Variants in SNX29 observed in about 807,000 individuals in gnomAD.
The protein encoded by SNX29 is sorting nexin 29.
Under a neutral mutation model 102.1 loss-of-function variants are expected in SNX29, and 78 were observed. That is an observed-to-expected ratio of 0.76 (90% CI 0.64 to 0.92). SNX29 has a LOEUF of 0.92. SNX29 is among the 40% of genes least tolerant of loss of function. SNX29 has a pLI of 0.00. For synonymous variants in SNX29, 580 were observed against 414.5 expected (o/e 1.40, Z -4.85); for missense variants, 1,280 against 1,061.7 (o/e 1.21, Z -2.86).
chr16:11,980,683 T>G (rs756912086), intron 1 of SNX29, among the ~76,000 whole-genome samples: 2 of 152,192 alleles, frequency 1.3e-5, no homozygotes, highest in Non-Finnish European at 2.9e-5. Context: ...TTTTTAATCA[T>G]AGACATTCTA....
At chr16:12,556,233 T>TA (rs2078339144) in intron 20 of SNX29, 1 of 152,166 alleles carries the variant, frequency 6.6e-6, no homozygotes, top group African/African-American at 2.4e-5. Context: ...GAGGTTGGTT[T>TA]CATGGCGTCA....
chr16:12,532,618 C>G (rs1460100654), intron 20 of SNX29, among the ~76,000 whole-genome samples: 1 of 152,136 alleles, frequency 6.6e-6, no homozygotes, highest in East Asian at 1.9e-4. Flanking sequence ...TGGAAACACT[C>G]TTTGGGATGC....
At position 12,231,329 on chromosome 16, in the gene SNX29, C is replaced by T. The variant is rs576698686; in HGVS notation, c.1678+31646C>T. ...ACTTCGTTTAAAGTATTTTCCCTCTCTGTAGACACTTTCTTAAAAACATAA... is the reference window on the plus strand; with the variant it reads ...ACTTCGTTTAAAGTATTTTCCCTCTTTGTAGACACTTTCTTAAAAACATAA... On this transcript the variant is annotated intron_variant, in intron 14 of 20. Transcript: ENST00000566228. 3.9e-5 allele frequency among the ~76,000 whole-genome samples: 6 copies of T among 152,302 alleles called. No homozygotes were observed. The South Asian group carries it at 1.2e-3, about 32-fold the overall frequency.
intron 20 of SNX29, chr16:12,556,341 G>C (rs2561041): frequency 0.2 from 29,762 of 152,128 alleles, 3,104 homozygotes; most frequent in East Asian, 0.43. Context: ...AGACCACTTG[G>C]ACTTCACTCA....
At chr16:12,427,021 A>G (rs914557718) in intron 18 of SNX29, among the ~76,000 whole-genome samples, 2 of 152,232 alleles carry the variant, frequency 1.3e-5, no homozygotes, top group African/African-American at 4.8e-5. Context: ...ATATGCCAGA[A>G]TGGGGGAGGG....
intron 13 of SNX29, among the ~76,000 whole-genome samples, chr16:12,171,676 A>T (rs1360281002): frequency 6.6e-6 from 1 of 152,256 alleles, no homozygotes; most frequent in African/African-American, 2.4e-5. Flanking sequence ...ATTTCAGGAC[A>T]GGGAACTGAA....
chr16:12,563,334 G>C (rs936999097), intron 20 of SNX29, among the ~76,000 whole-genome samples: 5 of 152,222 alleles, frequency 3.3e-5, no homozygotes, highest in Non-Finnish European at 4.4e-5. Flanking sequence ...CACCGTCGAG[G>C]AGTGGCCATT....
At chr16:12,547,016 C>A (rs370717297) in intron 20 of SNX29, among the ~76,000 whole-genome samples, 1 of 151,564 alleles carries the variant, frequency 6.6e-6, no homozygotes, top group African/African-American at 2.4e-5. Context: ...CCTGATAGTT[C>A]AACAGCAGAT....
intron 20 of SNX29, among the ~76,000 whole-genome samples, chr16:12,532,281 G>C (rs760014506): frequency 1.6e-4 from 24 of 152,208 alleles, no homozygotes; most frequent in Non-Finnish European, 3.1e-4. Context: ...AGCACAATAA[G>C]TCCTTAAATT....
chr16:12,024,158 G>T (rs1172183386), intron 3 of SNX29, among the ~76,000 whole-genome samples: 1 of 149,816 alleles, frequency 6.7e-6, no homozygotes, highest in African/African-American at 2.5e-5. Flanking sequence ...TTTCTTTTGA[G>T]ACTGAGTTTC....
chr16:12,461,715 G>C (rs907875820), intron 18 of SNX29, among the ~76,000 whole-genome samples: 1 of 151,662 alleles, frequency 6.6e-6, no homozygotes, highest in Non-Finnish European at 1.5e-5. Context: ...CCAGCACTTT[G>C]GGAGGCTAAG....
Position 12,570,039 on chromosome 16 carries a change from C to G in SNX29, c.*1410C>G. ...TGCCCAGGTGAGCATGGAGCATCTCCTAGGCTCGAGGACATCTCTGGAGAA... is the reference window on the plus strand; with the variant it reads ...TGCCCAGGTGAGCATGGAGCATCTCGTAGGCTCGAGGACATCTCTGGAGAA... On this transcript the variant is annotated 3_prime_UTR_variant, in exon 21 of 21. Transcript: ENST00000566228. The G allele has an allele frequency of 2.2e-6, 1 of 455,620 alleles. No homozygotes were observed. Among genetic ancestry groups the G allele is most frequent in the Non-Finnish European group, 3.1e-6 (1 of 322,022 alleles). 28.2% of individuals were successfully genotyped at this position (455,620 alleles called of 1,614,324 possible).
Position 12,572,481 on chromosome 16 carries a change from C to T in SNX29, c.*3852C>T, listed in dbSNP as rs1351567449. On this transcript the variant is annotated 3_prime_UTR_variant, in exon 21 of 21. Transcript: ENST00000566228. ...ATTTTGCCAACCCTGAGGACCAGTT[C>T]TTGGGGTTCCAGGCCTCGGCCTTCC... 5 of 1,063,758 alleles carry T rather than the reference C, an allele frequency of 4.7e-6. No homozygotes were observed. The South Asian group carries it at 1.4e-4, about 29-fold the overall frequency. The allele number at this position is 1,063,758 out of a possible 1,614,324, so 65.9% of individuals were successfully genotyped here.
intron 3 of SNX29, among the ~76,000 whole-genome samples, chr16:12,004,998 A>C (rs1242054747): frequency 6.6e-6 from 1 of 152,216 alleles, no homozygotes; most frequent in Non-Finnish European, 1.5e-5. Context: ...CTCAGTAAAA[A>C]TTTGTTATCC....
At chr16:12,125,094 G>C (rs1280923826) in intron 11 of SNX29, among the ~76,000 whole-genome samples, 1 of 152,136 alleles carries the variant, frequency 6.6e-6, no homozygotes, top group African/African-American at 2.4e-5. Context: ...CGTACTTGGC[G>C]AAGTATAATA....
At chr16:12,095,874 CT>C (rs1203726242) in intron 11 of SNX29, among the ~76,000 whole-genome samples, 6 of 152,196 alleles carry the variant, frequency 3.9e-5, no homozygotes, top group Non-Finnish European at 7.4e-5. Flanking sequence ...TGAGGGGGTC[CT>C]TTTTTTTCCT....
intron 15 of SNX29, among the ~76,000 whole-genome samples, chr16:12,326,208 C>T (rs1208599486): frequency 1.3e-5 from 2 of 151,848 alleles, no homozygotes; most frequent in Non-Finnish European, 1.5e-5. Context: ...GATGGGGTTT[C>T]GCCATGTTGG....
intron 16 of SNX29, among the ~76,000 whole-genome samples, chr16:12,362,622 G>T (rs1257106681): frequency 3.4e-5 from 4 of 117,340 alleles, no homozygotes; most frequent in African/African-American, 1.4e-4. Flanking sequence ...CCTGCCCTGT[G>T]CTGCCCCCCA....
intron 13 of SNX29, among the ~76,000 whole-genome samples, chr16:12,195,696 G>A (rs182371382): frequency 6.6e-6 from 1 of 152,270 alleles, no homozygotes; most frequent in African/African-American, 2.4e-5. Flanking sequence ...CACTTAATTC[G>A]CTAAACGTGT....
Sources: allele counts gnomAD v4.1 joint callset (sites outside exome capture counted in the v4.1 genomes callset), GRCh38; gene constraint gnomAD v4.1.1; transcripts MANE v1.5; gene names NCBI Gene and HGNC (gene_info 2026-07-23, HGNC 2026-07-21).